ATRNL1: variants seen among roughly 807,000 people sequenced by gnomAD.
ATRNL1 encodes attractin like 1.
A neutral mutation model predicts 182.7 loss-of-function variants in ATRNL1; 95 were observed. That is an observed-to-expected ratio of 0.52 (90% CI 0.44 to 0.62). ATRNL1 has a LOEUF of 0.62. ATRNL1 is among the 20% of genes least tolerant of loss of function. The probability of loss-of-function intolerance (pLI) is 0.00; values close to 1 mark genes in which losing one functional copy is unlikely to be tolerated. For missense variants in ATRNL1, 1,471 were observed against 1,679.5 expected, an observed-to-expected ratio of 0.88 and a Z score of 2.17; for synonymous variants, 576 against 568.3, an observed-to-expected ratio of 1.01 and a Z score of -0.19.
chr10:115,471,711 C>T (rs948812601), intron 24 of ATRNL1, among the ~76,000 whole-genome samples: 1 of 150,700 alleles, frequency 6.6e-6, no homozygotes, highest in African/African-American at 2.4e-5. Flanking sequence ...CTTGCTATTG[C>T]GTTTCATGAG....
At chr10:115,710,142 A>C (rs961383290) in intron 26 of ATRNL1, among the ~76,000 whole-genome samples, 94 of 151,652 alleles carry the variant, frequency 6.2e-4, no homozygotes, top group African/African-American at 1.1e-3. Flanking sequence ...TAAAAAAAAA[A>C]CAATAAAATA....
intron 21 of ATRNL1, among the ~76,000 whole-genome samples, chr10:115,426,650 A>G (rs781808926): frequency 1.3e-5 from 2 of 152,184 alleles, no homozygotes; most frequent in Non-Finnish European, 2.9e-5. Flanking sequence ...TTTGGGCATT[A>G]CTAAAAGGCT....
At chr10:115,698,606 C>T (rs954969109) in intron 26 of ATRNL1, among the ~76,000 whole-genome samples, 4 of 151,942 alleles carry the variant, frequency 2.6e-5, no homozygotes, top group South Asian at 2.1e-4. Context: ...GGTAAAACCC[C>T]GTCTCTACTA....
intron 26 of ATRNL1, among the ~76,000 whole-genome samples, chr10:115,589,331 A>C (rs1385890306): frequency 1.3e-5 from 2 of 152,180 alleles, no homozygotes; most frequent in African/African-American, 4.8e-5. Context: ...TTTGATCAAT[A>C]ATCTTGGTCA....
chr10:115,804,022 G>T (rs2134241330), intron 27 of ATRNL1, among the ~76,000 whole-genome samples: 1 of 152,196 alleles, frequency 6.6e-6, no homozygotes, highest in Non-Finnish European at 1.5e-5. Flanking sequence ...TATATTCCAG[G>T]TACATATGAG....
intron 8 of ATRNL1, among the ~76,000 whole-genome samples, chr10:115,208,476 G>A (rs1554894307): frequency 6.6e-6 from 1 of 152,076 alleles, no homozygotes; most frequent in Non-Finnish European, 1.5e-5. Context: ...CTGACACACA[G>A]TTAAATTGCC....
intron 28 of ATRNL1, among the ~76,000 whole-genome samples, chr10:115,852,054 G>T (rs1263998393): frequency 6.6e-6 from 1 of 152,180 alleles, no homozygotes; most frequent in African/African-American, 2.4e-5. Flanking sequence ...CTGTCACTTT[G>T]TGATGGAAGA....
chr10:115,276,058 GAGGCTGGGAAGTCCA>G (rs1773580818), intron 13 of ATRNL1, among the ~76,000 whole-genome samples: 1 of 151,942 alleles, frequency 6.6e-6, no homozygotes, highest in Non-Finnish European at 1.5e-5. Flanking sequence ...TACCGTTCTG[GAGGCTGGGAAGTCCA>G]AGATCTTGGT....
chr10:115,864,166 G>C (rs1555104115), intron 28 of ATRNL1, among the ~76,000 whole-genome samples: 1 of 152,032 alleles, frequency 6.6e-6, no homozygotes, highest in Admixed American at 6.5e-5. Flanking sequence ...GGCTGAGGTG[G>C]GAGGATCGCT....
chr10:115,178,595 C>A (rs564145823), intron 8 of ATRNL1, among the ~76,000 whole-genome samples: 1 of 152,198 alleles, frequency 6.6e-6, no homozygotes, highest in African/African-American at 2.4e-5. Flanking sequence ...ATCCCCATTG[C>A]GGTAGTATTA....
intron 27 of ATRNL1, among the ~76,000 whole-genome samples, chr10:115,760,973 T>C (rs1357388849): frequency 6.6e-6 from 1 of 152,188 alleles, no homozygotes; most frequent in Admixed American, 6.6e-5. Flanking sequence ...CTAAGAGAAA[T>C]GATCCATGGG....
At chr10:115,675,679 C>G (rs782204398) in intron 26 of ATRNL1, among the ~76,000 whole-genome samples, 3 of 152,078 alleles carry the variant, frequency 2.0e-5, no homozygotes, top group Non-Finnish European at 2.9e-5. Flanking sequence ...CATAGGACTT[C>G]TACTCGGGTA....
At chr10:115,460,890 T>G (rs1288697734) in intron 21 of ATRNL1, among the ~76,000 whole-genome samples, 1 of 152,144 alleles carries the variant, frequency 6.6e-6, no homozygotes, top group Non-Finnish European at 1.5e-5. Context: ...AATTTTCCTC[T>G]GCAATTTTTT....
At chr10:115,925,277 A>G (rs782289539) in intron 28 of ATRNL1, among the ~76,000 whole-genome samples, 7 of 152,124 alleles carry the variant, frequency 4.6e-5, no homozygotes, top group Non-Finnish European at 8.8e-5. Context: ...AGAACTTCCA[A>G]TACTATGTTG....
At chr10:115,394,045 A>G (rs563144163) in intron 19 of ATRNL1, among the ~76,000 whole-genome samples, 4 of 152,226 alleles carry the variant, frequency 2.6e-5, no homozygotes, top group African/African-American at 7.2e-5. Context: ...GAGGAAATAA[A>G]TAGATGTTCT....
chr10:115,759,289 A>G (rs1349665831), intron 27 of ATRNL1, among the ~76,000 whole-genome samples: 1 of 152,158 alleles, frequency 6.6e-6, no homozygotes, highest in African/African-American at 2.4e-5. Context: ...TAGTGAATAC[A>G]TATTTGGGTT....
chr10:115,721,687 C>T (rs1359926873), intron 26 of ATRNL1, among the ~76,000 whole-genome samples: 3 of 152,194 alleles, frequency 2.0e-5, no homozygotes, highest in Admixed American at 2.0e-4. Flanking sequence ...TCCCACAACA[C>T]GAGAGATTTC....
intron 24 of ATRNL1, among the ~76,000 whole-genome samples, chr10:115,499,683 T>C (rs1043777100): frequency 6.6e-6 from 1 of 152,210 alleles, no homozygotes; most frequent in Non-Finnish European, 1.5e-5. Context: ...TATAGGCAGA[T>C]AAGAGACAAA....
At chr10:115,244,189 C>T (rs782816239) in intron 10 of ATRNL1, among the ~76,000 whole-genome samples, 2 of 152,052 alleles carry the variant, frequency 1.3e-5, no homozygotes, top group Non-Finnish European at 2.9e-5. Flanking sequence ...CACTTAAAAG[C>T]TTAGCTGATT....
Sources: gnomAD v4.1 joint callset for allele counts (sites outside exome capture counted in the v4.1 genomes callset) on GRCh38, gnomAD v4.1.1 for gene constraint, MANE v1.5 for transcripts, NCBI Gene and HGNC (gene_info 2026-07-23, HGNC 2026-07-21) for gene names.